SCHIP1: variants seen among roughly 807,000 people sequenced by gnomAD.
SCHIP1 encodes the protein schwannomin-interacting protein 1.
SCHIP1 carries 8 observed loss-of-function variants against 29.7 expected under a neutral mutation model. That is an observed-to-expected ratio of 0.27 (90% confidence interval 0.16 to 0.49). The LOEUF is 0.49. Among genes scored for constraint, SCHIP1 ranks in the 20% least tolerant of loss-of-function variants. SCHIP1 has a pLI of 0.99. For missense variants in SCHIP1, 193 were observed against 294.6 expected (o/e 0.66, Z 2.52); for synonymous variants, 76 against 94.9 (o/e 0.80, Z 1.16).
At chr3:159,524,619 CAGGCTTCTGTA>C in the SCHIP1 span, among the ~76,000 whole-genome samples, 1 of 152,174 alleles carries the variant, frequency 6.6e-6, no homozygotes, top group African/African-American at 2.4e-5. Flanking sequence ...ACATATAAGC[CAGGCTTCTGTA>C]AGGGATAGTA....
the SCHIP1 span, among the ~76,000 whole-genome samples, chr3:159,583,985 T>C: frequency 6.6e-6 from 1 of 152,162 alleles, no homozygotes; most frequent in Non-Finnish European, 1.5e-5. Flanking sequence ...TCCAATCTAA[T>C]TTGCAAAACC....
the SCHIP1 span, among the ~76,000 whole-genome samples, chr3:159,535,706 T>C: frequency 6.6e-6 from 1 of 152,172 alleles, no homozygotes; most frequent in African/African-American, 2.4e-5. Flanking sequence ...ATTACAGAAG[T>C]AGTTAATTAC....
At chr3:159,676,267 A>T in the SCHIP1 span, among the ~76,000 whole-genome samples, 1 of 152,224 alleles carries the variant, frequency 6.6e-6, no homozygotes, top group Non-Finnish European at 1.5e-5. Context: ...AGCTTCCTTT[A>T]TCTACATCAA....
the SCHIP1 span, among the ~76,000 whole-genome samples, chr3:159,638,578 C>A: frequency 6.6e-5 from 10 of 150,828 alleles, no homozygotes; most frequent in Non-Finnish European, 1.2e-4. Context: ...ATTAAAAAAC[C>A]TTTCTCCAGA....
the SCHIP1 span, among the ~76,000 whole-genome samples, chr3:159,773,339 G>A: frequency 9.9e-5 from 15 of 152,110 alleles, no homozygotes; most frequent in African/African-American, 2.9e-4. Context: ...CAGGGATTCT[G>A]GGAGATCATC....
the SCHIP1 span, among the ~76,000 whole-genome samples, chr3:159,371,597 A>G: frequency 6.6e-6 from 1 of 152,192 alleles, no homozygotes; most frequent in African/African-American, 2.4e-5. Context: ...TAATGCAACA[A>G]TAGAGTGCAG....
At chr3:159,340,833 GA>G in the SCHIP1 span, among the ~76,000 whole-genome samples, 1 of 152,092 alleles carries the variant, frequency 6.6e-6, no homozygotes, top group Non-Finnish European at 1.5e-5. Flanking sequence ...AGAAACTGAA[GA>G]AAATAAAATT....
chr3:159,464,431 T>C, the SCHIP1 span, among the ~76,000 whole-genome samples: 2 of 152,196 alleles, frequency 1.3e-5, no homozygotes, highest in African/African-American at 2.4e-5. Flanking sequence ...TAAATGTTTC[T>C]TAACTCTAAA....
the SCHIP1 span, among the ~76,000 whole-genome samples, chr3:159,341,662 T>G: frequency 6.6e-6 from 1 of 152,202 alleles, no homozygotes; most frequent in Non-Finnish European, 1.5e-5. Context: ...GAGCTTCGTT[T>G]ACCTAGACAT....
At chr3:159,382,085 C>T in the SCHIP1 span, among the ~76,000 whole-genome samples, 1 of 151,778 alleles carries the variant, frequency 6.6e-6, no homozygotes. Flanking sequence ...CACATAGCCA[C>T]ACTTACTTTT....
chr3:159,457,973 T>C, the SCHIP1 span, among the ~76,000 whole-genome samples: 7 of 152,196 alleles, frequency 4.6e-5, no homozygotes, highest in Admixed American at 4.6e-4. Context: ...AGCACTACTG[T>C]ATTTTTAAAG....
At chr3:159,833,188 A>G in the SCHIP1 span, among the ~76,000 whole-genome samples, 1 of 152,330 alleles carries the variant, frequency 6.6e-6, no homozygotes, top group African/African-American at 2.4e-5. Context: ...TTGGTATTAT[A>G]ATATCAAAAG....
chr3:159,534,165 C>T, the SCHIP1 span, among the ~76,000 whole-genome samples: 1 of 152,178 alleles, frequency 6.6e-6, no homozygotes, highest in Admixed American at 6.5e-5. Flanking sequence ...CTTTTCTAGA[C>T]ATCTCTGGAT....
chr3:159,446,063 C>T, the SCHIP1 span, among the ~76,000 whole-genome samples: 3 of 151,692 alleles, frequency 2.0e-5, no homozygotes, highest in African/African-American at 7.3e-5. Flanking sequence ...TCAGTTGAGC[C>T]CAAATTGTGA....
At chr3:159,300,941 G>A in the SCHIP1 span, among the ~76,000 whole-genome samples, 8 of 152,102 alleles carry the variant, frequency 5.3e-5, no homozygotes, top group African/African-American at 1.9e-4. Context: ...TTCTTAACCT[G>A]CCTTATGTCA....
the SCHIP1 span, among the ~76,000 whole-genome samples, chr3:159,440,948 G>A: frequency 6.6e-6 from 1 of 152,300 alleles, no homozygotes; most frequent in Admixed American, 6.5e-5. Flanking sequence ...ACACTGTAGA[G>A]CTGTGTAGAC....
the SCHIP1 span, among the ~76,000 whole-genome samples, chr3:159,720,294 T>TAAA: frequency 6.6e-6 from 1 of 151,464 alleles, no homozygotes; most frequent in African/African-American, 2.4e-5. Context: ...AAATGACAAG[T>TAAA]TAACGGGTGC....
chr3:159,348,659 A>G, the SCHIP1 span, among the ~76,000 whole-genome samples: 1 of 152,156 alleles, frequency 6.6e-6, no homozygotes. Flanking sequence ...TTCCACAACC[A>G]TTGCATTTCC....
At chr3:159,466,680 T>C in the SCHIP1 span, among the ~76,000 whole-genome samples, 2 of 152,142 alleles carry the variant, frequency 1.3e-5, no homozygotes, top group Non-Finnish European at 2.9e-5. Context: ...TATTTCATGG[T>C]TTGTCAACAC....
Sources: allele counts gnomAD v4.1 joint callset (sites outside exome capture counted in the v4.1 genomes callset), GRCh38; gene constraint gnomAD v4.1.1; transcripts MANE v1.5; gene names NCBI Gene and HGNC (gene_info 2026-07-23, HGNC 2026-07-21).